CERS4: variants seen among roughly 807,000 people sequenced by gnomAD.
CERS4 encodes the protein ceramide synthase 4.
Under a neutral mutation model 51.8 loss-of-function variants are expected in CERS4, and 65 were observed. The observed-to-expected ratio is 1.26, with a 90% CI of 1.03 to 1.54. The LOEUF (loss-of-function observed/expected upper bound fraction) is 1.54. CERS4 is among the 40% of genes most tolerant of loss of function. The pLI is 0.00. For synonymous variants in CERS4, 228 were observed against 208.4 expected, an observed-to-expected ratio of 1.09 and a Z score of -0.81; for missense variants, 563 against 500.4, an observed-to-expected ratio of 1.13 and a Z score of -1.19.
chr19:8,227,092 C>A (rs1308057189), intron 2 of CERS4, among the ~76,000 whole-genome samples: 2 of 152,022 alleles, frequency 1.3e-5, no homozygotes, highest in Non-Finnish European at 2.9e-5. Context: ...TGCACCATTG[C>A]ACTCCAGCCT....
At chr19:8,260,740 A>G (rs916210248) in intron 10 of CERS4, among the ~76,000 whole-genome samples, 12 of 151,478 alleles carry the variant, frequency 7.9e-5, no homozygotes, top group Admixed American at 1.3e-4. Flanking sequence ...ACTTGAGGTC[A>G]GGAGTTCCAG....
At chr19:8,232,012 T>C (rs1248010375) in intron 2 of CERS4, among the ~76,000 whole-genome samples, 2 of 149,904 alleles carry the variant, frequency 1.3e-5, no homozygotes, top group Non-Finnish European at 3.0e-5. Flanking sequence ...TTTTTTTTGG[T>C]AGAGACAGGG....
At chr19:8,225,605 G>A (rs1719310499) in intron 2 of CERS4, among the ~76,000 whole-genome samples, 2 of 151,646 alleles carry the variant, frequency 1.3e-5, no homozygotes, top group African/African-American at 2.4e-5. Context: ...TGTATTTTTA[G>A]TAGAGATGGG....
At position 8,259,359 on chromosome 19, in the gene CERS4, G is replaced by T. The variant is rs571452819; in HGVS notation, c.848+1374G>T. On this transcript the variant is annotated intron_variant, in intron 10 of 11. Transcript: ENST00000251363. ...CGGCATGTTAGAGGAAGAGCAAGGAGGCCTGTGTGGCTGGAGCAGAGTGGG... is the reference window on the plus strand; with the variant it reads ...CGGCATGTTAGAGGAAGAGCAAGGATGCCTGTGTGGCTGGAGCAGAGTGGG... Among the ~76,000 whole-genome samples, 3 of 152,294 alleles carry T rather than the reference G, an allele frequency of 2.0e-5. No individual in the cohort carries two copies. The South Asian group carries it at 6.2e-4, about 32-fold the overall frequency.
intron 2 of CERS4, among the ~76,000 whole-genome samples, chr19:8,227,281 TAA>T (rs886373591): frequency 5.9e-5 from 9 of 152,262 alleles, no homozygotes; most frequent in African/African-American, 2.2e-4. Context: ...ATTTTCTATT[TAA>T]AAAGTCACCC....
At chr19:8,226,111 C>T (rs1022084154) in intron 2 of CERS4, among the ~76,000 whole-genome samples, 26 of 151,886 alleles carry the variant, frequency 1.7e-4, no homozygotes, top group Admixed American at 1.1e-3. Context: ...ACGGGAGAAT[C>T]GCTTGAATCC....
At chr19:8,257,679 C>T (rs995795346) in intron 9 of CERS4, among the ~76,000 whole-genome samples, 200 bp from the exon 10 acceptor site, 1 of 152,214 alleles carries the variant, frequency 6.6e-6, no homozygotes. Flanking sequence ...ATCTGCCTGC[C>T]TCAGCCTCCC....
At chr19:8,213,769 C>T (rs1967175781) in intron 2 of CERS4, among the ~76,000 whole-genome samples, 1 of 151,974 alleles carries the variant, frequency 6.6e-6, no homozygotes, top group South Asian at 2.1e-4. Flanking sequence ...AGTTCGAGAC[C>T]AGCCTGGCCA....
In CERS4 at chr19:8,261,737, T is replaced by G. The variant is rs1568545055; in HGVS notation, c.898T>G (p.Phe300Val). The change falls in exon 11 of 12, where the codon TTC becomes GTC. Residue 300 changes from phenylalanine (F) to valine (V), a missense_variant. Physicochemically the swap from Phe to Val is conservative, Grantham distance 50. Coordinates refer to ENST00000251363, the MANE Select transcript of CERS4 (RefSeq NM_024552.3). ...YESISNRGPF[F>V]GYYFFNGLLM... ...GTCCATCAGCAACAGGGGCCCCTTC[T>G]TCGGCTACTACTTCTTCAACGGGCT... The G allele has an allele frequency of 6.2e-7, 1 of 1,614,152 alleles. No individual in the cohort carries two copies. The highest frequency in any genetic ancestry group is 1.7e-5 in the Admixed American group (1 of 60,010).
chr19:8,211,001 C>T (rs1238845490), intron 2 of CERS4, 139 bp downstream of exon 2: 1 of 151,706 alleles, frequency 6.6e-6, no homozygotes, highest in Non-Finnish European at 1.5e-5. Context: ...TGGGAGTGTT[C>T]ATGGATCGAT....
At chr19:8,248,303 CTGGA>C (rs1329026227) in intron 2 of CERS4, among the ~76,000 whole-genome samples, 1 of 152,132 alleles carries the variant, frequency 6.6e-6, no homozygotes. Flanking sequence ...TATCTCTTGC[CTGGA>C]TGGATGGATG....
intron 2 of CERS4, among the ~76,000 whole-genome samples, chr19:8,214,975 A>ATGGAAGAGGAGGGGG (rs1967235588): frequency 2.0e-5 from 1 of 49,772 alleles, no homozygotes; most frequent in South Asian, 6.0e-4. Flanking sequence ...GGAGGAGAAA[A>ATGGAAGAGGAGGGGG]AGGAAGAGGA....
chr19:8,260,039 G>A (rs951204636), intron 10 of CERS4, among the ~76,000 whole-genome samples: 9 of 152,134 alleles, frequency 5.9e-5, no homozygotes, highest in East Asian at 1.9e-4. Context: ...GGTGGGGTGC[G>A]GGGAGCCAGA....
intron 2 of CERS4, chr19:8,241,515 G>C (rs1968537696): frequency 6.6e-6 from 1 of 152,006 alleles, no homozygotes. Context: ...ATGTTGCCCT[G>C]GCTGGTCTCG....
intron 2 of CERS4, among the ~76,000 whole-genome samples, chr19:8,248,963 C>T (rs912525678): frequency 7.1e-6 from 1 of 141,022 alleles, no homozygotes; most frequent in Admixed American, 7.2e-5. Context: ...GGTGGATGGA[C>T]AGATGTTTTG....
At chr19:8,258,353 T>C (rs2145332361) in intron 10 of CERS4, among the ~76,000 whole-genome samples, 1 of 152,196 alleles carries the variant, frequency 6.6e-6, no homozygotes, top group African/African-American at 2.4e-5. Context: ...TGGGAGCAGA[T>C]GGTAAGTGAG....
intron 2 of CERS4, among the ~76,000 whole-genome samples, chr19:8,232,723 C>CA (rs1318410260): frequency 7.2e-6 from 1 of 138,546 alleles, no homozygotes; most frequent in Non-Finnish European, 1.6e-5. Context: ...TTATTTAAAC[C>CA]TTTTTTTTTT....
At chr19:8,228,635 G>A (rs932027736) in intron 2 of CERS4, among the ~76,000 whole-genome samples, 9 of 150,012 alleles carry the variant, frequency 6.0e-5, no homozygotes, top group South Asian at 2.1e-4. Context: ...AGATCCCGCC[G>A]TTGCACTGCA....
At chr19:8,224,458 T>C (rs993167515) in intron 2 of CERS4, among the ~76,000 whole-genome samples, 1 of 146,708 alleles carries the variant, frequency 6.8e-6, no homozygotes, top group African/African-American at 2.5e-5. Context: ...AAAGATGAGG[T>C]AGGAGAACCC....
Sources: gnomAD v4.1 joint callset for allele counts (sites outside exome capture counted in the v4.1 genomes callset) on GRCh38, gnomAD v4.1.1 for gene constraint, MANE v1.5 for transcripts, NCBI Gene and HGNC (gene_info 2026-07-23, HGNC 2026-07-21) for gene names.